SPATA6: variants seen among roughly 807,000 people sequenced by gnomAD.
SPATA6 encodes spermatogenesis-associated protein 6.
SPATA6 carries 56 observed loss-of-function variants against 65.3 expected under a neutral mutation model. That is an observed-to-expected ratio of 0.86 (90% confidence interval 0.69 to 1.07). The LOEUF (loss-of-function observed/expected upper bound fraction) is 1.07, where lower values mean the gene tolerates loss of function less well. SPATA6 is among the 50% of genes least tolerant of loss of function. SPATA6 has a pLI of 0.00. For synonymous variants in SPATA6, 199 were observed against 213.2 expected (o/e 0.93, Z 0.58); for missense variants, 590 against 594.8 (o/e 0.99, Z 0.08).
the SPATA6 span, among the ~76,000 whole-genome samples, chr1:48,271,116 A>G: frequency 6.6e-6 from 1 of 152,158 alleles, no homozygotes; most frequent in African/African-American, 2.4e-5. Context: ...CATTTAATAA[A>G]AGAGGTTTAA....
intron 11 of SPATA6, among the ~76,000 whole-genome samples, chr1:48,321,307 A>C (rs1358216672): frequency 6.6e-6 from 1 of 152,200 alleles, no homozygotes; most frequent in African/African-American, 2.4e-5. Flanking sequence ...ATAAGGACAC[A>C]CACAGACTGA....
At chr1:48,424,155 C>A (rs967088044) in intron 3 of SPATA6, among the ~76,000 whole-genome samples, 1 of 152,162 alleles carries the variant, frequency 6.6e-6, no homozygotes, top group Non-Finnish European at 1.5e-5. Flanking sequence ...CTGCTACTAT[C>A]CTTCCCAGCC....
chr1:48,368,308 G>A (rs60833983), intron 9 of SPATA6, among the ~76,000 whole-genome samples: 5,781 of 152,152 alleles, frequency 0.038, 375 homozygotes, highest in East Asian at 0.17. Context: ...TCTTTGTGGC[G>A]TTCTCTGTAT....
chr1:48,288,727 C>T, the SPATA6 span, among the ~76,000 whole-genome samples: 8 of 152,212 alleles, frequency 5.3e-5, no homozygotes, highest in South Asian at 2.1e-4. Context: ...GGGTCCCACA[C>T]CCACGGACCC....
At chr1:48,427,474 G>A (rs1029054052) in intron 3 of SPATA6, among the ~76,000 whole-genome samples, 11 of 148,576 alleles carry the variant, frequency 7.4e-5, no homozygotes, top group Non-Finnish European at 1.0e-4. Flanking sequence ...ACAAACTATC[G>A]TTCAGGAAAC....
chr1:48,471,502 T>A (rs1658243221), intron 1 of SPATA6, among the ~76,000 whole-genome samples: 1 of 152,098 alleles, frequency 6.6e-6, no homozygotes, highest in Admixed American at 6.5e-5. Flanking sequence ...TAATGCGGGT[T>A]TGAAACTGGT....
In SPATA6 at chr1:48,447,608, A is replaced by G. The variant is rs570776926; in HGVS notation, c.238+3944T>C. On this transcript the variant is annotated intron_variant, in intron 3 of 12. Transcript: ENST00000371847. ...CTTGTTCAAAGGTCAACTGCACACA[A>G]TCTTTTCAAGTGCACTGGAACATCC... Among the ~76,000 whole-genome samples the G allele has an allele frequency of 3.3e-5, 5 of 152,324 alleles. No homozygotes were observed. The South Asian group carries it at 8.3e-4, about 25-fold the overall frequency.
intron 11 of SPATA6, among the ~76,000 whole-genome samples, chr1:48,313,946 C>G (rs1488718617): frequency 3.3e-5 from 5 of 152,054 alleles, no homozygotes; most frequent in African/African-American, 1.2e-4. Context: ...GACAAAGAAG[C>G]CCATTACATA....
At chr1:48,356,505 CCTTT>C (rs1418143647) in intron 10 of SPATA6, among the ~76,000 whole-genome samples, 12 of 147,614 alleles carry the variant, frequency 8.1e-5, no homozygotes, top group African/African-American at 3.0e-4. Flanking sequence ...CCCAGTTTGT[CCTTT>C]CTTTTTTTTT....
intron 11 of SPATA6, among the ~76,000 whole-genome samples, chr1:48,311,957 A>G (rs1645225557): frequency 6.6e-6 from 1 of 152,186 alleles, no homozygotes; most frequent in Admixed American, 6.5e-5. Flanking sequence ...ACGCCCACGG[A>G]GCCTCACTCA....
At chr1:48,423,984 T>G (rs578059292) in intron 3 of SPATA6, among the ~76,000 whole-genome samples, 1 of 152,322 alleles carries the variant, frequency 6.6e-6, no homozygotes, top group East Asian at 1.9e-4. Context: ...CTCAAGCATT[T>G]ATCCTTTGAG....
chr1:48,395,408 C>T, intron 7 of SPATA6, 54 bp from the exon 8 acceptor site: 2 of 1,308,406 alleles, frequency 1.5e-6, no homozygotes, highest in East Asian at 5.4e-5. Flanking sequence ...CCTAGACTTT[C>T]AATCTCATGG....
chr1:48,289,141 C>G, the SPATA6 span, among the ~76,000 whole-genome samples: 2 of 152,160 alleles, frequency 1.3e-5, no homozygotes, highest in Non-Finnish European at 2.9e-5. Flanking sequence ...CCCTCTGAGA[C>G]GAAGCTTCCA....
At chr1:48,263,838 T>C in the SPATA6 span, among the ~76,000 whole-genome samples, 5 of 152,176 alleles carry the variant, frequency 3.3e-5, no homozygotes, top group Non-Finnish European at 7.4e-5. Context: ...GTTGTTGTTG[T>C]TGTTTTGAGA....
At chr1:48,363,847 A>C (rs1646902041) in intron 9 of SPATA6, among the ~76,000 whole-genome samples, 1 of 151,658 alleles carries the variant, frequency 6.6e-6, no homozygotes, top group Admixed American at 6.6e-5. Flanking sequence ...CATGTGCACA[A>C]TGTGAAGGTT....
chr1:48,363,942 C>A (rs1016417901), intron 9 of SPATA6, among the ~76,000 whole-genome samples: 1 of 151,806 alleles, frequency 6.6e-6, no homozygotes, highest in Admixed American at 6.6e-5. Flanking sequence ...TTAATGCTAT[C>A]CCTCCCCCCT....
rs931966098 is a variant in SPATA6, at chr1:48,318,075, G to A, written c.1195-12197C>T. ...TGATAGGATCATCTCAATAGATGCA[G>A]GGAAAGCATTTGACAAATACCAAGA... On this transcript the variant is annotated intron_variant, in intron 11 of 12. Transcript: ENST00000371847. Among the ~76,000 whole-genome samples, 4 of 152,166 alleles carry A rather than the reference G, an allele frequency of 2.6e-5. No homozygotes were observed. The South Asian group carries it at 6.2e-4, about 24-fold the overall frequency.
At chr1:48,294,537 GTTTTTATCTGACTTCATTA>G (rs889683325), downstream of SPATA6, among the ~76,000 whole-genome samples, 56 of 152,244 alleles carry the variant, frequency 3.7e-4, no homozygotes, top group African/African-American at 1.3e-3. Context: ...GCTTTCATTT[GTTTTTATCTGACTTCATTA>G]TTTTTATCTG....
chr1:48,288,805 C>A, the SPATA6 span, among the ~76,000 whole-genome samples: 1 of 152,186 alleles, frequency 6.6e-6, no homozygotes, highest in South Asian at 2.1e-4. Flanking sequence ...GGGAGGGGCG[C>A]CCACCATTGC....
Sources: gnomAD v4.1 joint callset for allele counts (sites outside exome capture counted in the v4.1 genomes callset) on GRCh38, gnomAD v4.1.1 for gene constraint, MANE v1.5 for transcripts, NCBI Gene and HGNC (gene_info 2026-07-23, HGNC 2026-07-21) for gene names.